EPHA4: variants seen among roughly 807,000 people sequenced by gnomAD.
EPHA4 encodes the protein ephrin type-A receptor 4.
EPHA4 carries 19 observed loss-of-function variants against 108.3 expected under a neutral mutation model. The observed-to-expected ratio is 0.18, with a 90% CI of 0.12 to 0.26. The LOEUF is 0.26. Among genes scored for constraint, EPHA4 ranks in the 10% least tolerant of loss-of-function variants. EPHA4 has a pLI of 1.00. For synonymous variants in EPHA4, 449 were observed against 455.5 expected (o/e 0.99, Z 0.18); for missense variants, 917 against 1,254.0 (o/e 0.73, Z 4.06).
chr2:221,463,348 T>G (rs550702453), intron 5 of EPHA4, among the ~76,000 whole-genome samples: 2 of 152,300 alleles, frequency 1.3e-5, no homozygotes, highest in South Asian at 4.1e-4. Flanking sequence ...TCCCAAAGAA[T>G]GTTGTATTCC....
At chr2:221,535,018 C>T (rs1693626168) in intron 3 of EPHA4, among the ~76,000 whole-genome samples, 1 of 152,234 alleles carries the variant, frequency 6.6e-6, no homozygotes, top group African/African-American at 2.4e-5. Flanking sequence ...CGTTCTCCAT[C>T]GCTATTGGAT....
intron 3 of EPHA4, among the ~76,000 whole-genome samples, chr2:221,533,725 CAAAAAAAAAAAAA>C (rs144676444): frequency 6.3e-5 from 4 of 63,480 alleles, no homozygotes; most frequent in East Asian, 6.0e-4. Context: ...TGACTAGTGT[CAAAAAAAAAAAAA>C]AAAAAAAAAA....
intron 3 of EPHA4, among the ~76,000 whole-genome samples, chr2:221,552,710 C>CAA (rs1412521765): frequency 6.6e-6 from 1 of 152,114 alleles, no homozygotes; most frequent in Non-Finnish European, 1.5e-5. Context: ...GTTCACAGTG[C>CAA]AAAGCAAGAG....
chr2:221,426,265 G>A (rs1207233350), intron 16 of EPHA4, 123 bp from the exon 17 acceptor site: 13 of 1,024,870 alleles, frequency 1.3e-5, no homozygotes, highest in South Asian at 3.0e-5. Flanking sequence ...CAAGGCAGGT[G>A]TATTAAAATG....
intron 3 of EPHA4, among the ~76,000 whole-genome samples, chr2:221,531,648 CTTT>C (rs1004024911): frequency 6.6e-6 from 1 of 150,950 alleles, no homozygotes; most frequent in Admixed American, 6.6e-5. Flanking sequence ...ATCTAAAAAG[CTTT>C]TTTTTTCTTT....
chr2:221,562,475 T>C (rs1194539875), intron 3 of EPHA4, among the ~76,000 whole-genome samples: 2 of 152,238 alleles, frequency 1.3e-5, no homozygotes, highest in Non-Finnish European at 2.9e-5. Context: ...AATCCCACCC[T>C]GTCATTAGAA....
intron 5 of EPHA4, among the ~76,000 whole-genome samples, chr2:221,464,679 T>A (rs1299852426): frequency 6.6e-6 from 1 of 152,198 alleles, no homozygotes; most frequent in Non-Finnish European, 1.5e-5. Context: ...ACCAGCCAGG[T>A]CAACTCCTCT....
chr2:221,494,601 T>C (rs1353647883), intron 4 of EPHA4, among the ~76,000 whole-genome samples: 4 of 152,142 alleles, frequency 2.6e-5, no homozygotes, highest in African/African-American at 4.8e-5. Context: ...AGTGAGACTC[T>C]ATCTCAAAAA....
chr2:221,514,986 A>G (rs536832504), intron 3 of EPHA4, among the ~76,000 whole-genome samples: 2 of 152,306 alleles, frequency 1.3e-5, no homozygotes, highest in South Asian at 4.1e-4. Flanking sequence ...TGTACAAAAA[A>G]ATCTTACTCA....
chr2:221,549,688 A>T (rs1318757597), intron 3 of EPHA4, among the ~76,000 whole-genome samples: 1 of 152,260 alleles, frequency 6.6e-6, no homozygotes, highest in Non-Finnish European at 1.5e-5. Context: ...GATCTACACA[A>T]AGCCCAAAGC....
intron 3 of EPHA4, among the ~76,000 whole-genome samples, chr2:221,550,649 T>A: frequency 6.6e-6 from 1 of 151,996 alleles, no homozygotes; most frequent in East Asian, 1.9e-4. Flanking sequence ...ATTACTAAAG[T>A]TTACTAACTA....
intron 2 of EPHA4, 106 bp from the exon 3 acceptor site, chr2:221,564,500 A>G: frequency 8.5e-7 from 1 of 1,174,950 alleles, no homozygotes; most frequent in Non-Finnish European, 1.2e-6. Flanking sequence ...TCTTTCAATA[A>G]TGAAGCAAAC....
chr2:221,479,466 A>T (rs1215905283), intron 5 of EPHA4, among the ~76,000 whole-genome samples: 1 of 152,248 alleles, frequency 6.6e-6, no homozygotes, highest in Non-Finnish European at 1.5e-5. Context: ...TCCAGGTGCT[A>T]AATGCTAACG....
chr2:221,501,093 CCAGA>C lies in EPHA4; in HGVS notation c.899_902del (p.Val300GlyfsTer33). ...CACAGGTGCACGAGGTGGCTCCTTC[CCAGA>C]CAGAGTAGCTGTGGGGTGGGCACTT... On this transcript the variant is annotated frameshift_variant, in exon 4 of 18. Transcript: ENST00000281821. LOFTEE classifies it high-confidence loss of function. 1 of 1,613,562 alleles carries C rather than the reference CCAGA, an allele frequency of 6.2e-7. No individual in the cohort carries two copies. Among genetic ancestry groups the C allele is most frequent in the Non-Finnish European group, 8.5e-7 (1 of 1,179,706 alleles).
chr2:221,468,292 C>T (rs1283290161), intron 5 of EPHA4, among the ~76,000 whole-genome samples: 1 of 151,726 alleles, frequency 6.6e-6, no homozygotes, highest in African/African-American at 2.4e-5. Context: ...AAAAAATGCT[C>T]TCCAAAATTA....
chr2:221,437,895 CCTG>C (rs1690295664), intron 11 of EPHA4, among the ~76,000 whole-genome samples: 1 of 38,552 alleles, frequency 2.6e-5, no homozygotes, highest in Non-Finnish European at 4.8e-5. Flanking sequence ...TACACTCCAG[CCTG>C]GGGGGCGACG....
At chr2:221,549,418 A>G (rs1275454164) in intron 3 of EPHA4, among the ~76,000 whole-genome samples, 24 of 152,076 alleles carry the variant, frequency 1.6e-4, no homozygotes, top group Admixed American at 1.6e-3. Context: ...TCTCTCTCTC[A>G]TTCTTGCTCT....
At position 221,498,790 on chromosome 2, in the gene EPHA4, C is replaced by CTT. The variant is rs757231773; in HGVS notation, c.979+2225_979+2226dup. Among the ~76,000 whole-genome samples, 111 of 135,666 alleles carry CTT rather than the reference C, an allele frequency of 8.2e-4. 1 individual carries two copies. The East Asian group carries it at 8.9e-3, about 11-fold the overall frequency. 89.0% of individuals were successfully genotyped at this position (135,666 alleles called of 152,430 possible). On this transcript the variant is annotated intron_variant, in intron 4 of 17. Coordinates refer to ENST00000281821, the MANE Select transcript of EPHA4 (RefSeq NM_004438.5). ...CACCAGTCCTGGCTATTTTTTTTTT[C>CTT]TTTTTTTTTTTTTTTTTGAGACGAC...
chr2:221,506,407 G>A (rs1382734586), intron 3 of EPHA4, among the ~76,000 whole-genome samples: 2 of 152,322 alleles, frequency 1.3e-5, no homozygotes, highest in African/African-American at 4.8e-5. Flanking sequence ...CATCTTTGGG[G>A]AAGGTGTGAA....
Sources: allele counts gnomAD v4.1 joint callset (sites outside exome capture counted in the v4.1 genomes callset), GRCh38; gene constraint gnomAD v4.1.1; transcripts MANE v1.5; gene names NCBI Gene and HGNC (gene_info 2026-07-23, HGNC 2026-07-21).